The following DNAH7 variants were observed in gnomAD, a reference collection of about 807,000 sequenced individuals.
DNAH7 encodes the protein dynein axonemal heavy chain 7, also known as axonemal beta dynein heavy chain 7.
DNAH7 carries 397 observed loss-of-function variants against 444.6 expected under a neutral mutation model. That is an observed-to-expected ratio of 0.89 (90% CI 0.82 to 0.97). DNAH7 has a LOEUF of 0.97. DNAH7 is among the 50% of genes least tolerant of loss of function. The pLI, the probability that DNAH7 is intolerant of heterozygous loss-of-function variation, is 0.00. For synonymous variants in DNAH7, 1,636 were observed against 1,624.4 expected (o/e 1.01, Z -0.17); for missense variants, 4,902 against 4,800.8 (o/e 1.02, Z -0.62).
chr2:195,812,753 C>T (rs1697029948), intron 51 of DNAH7, among the ~76,000 whole-genome samples: 1 of 152,110 alleles, frequency 6.6e-6, no homozygotes, highest in South Asian at 2.1e-4. Context: ...ATCAGGTTGG[C>T]TAGTGTTAAT....
At chr2:196,016,982 G>A (rs980285096) in intron 9 of DNAH7, among the ~76,000 whole-genome samples, 6 of 152,162 alleles carry the variant, frequency 3.9e-5, no homozygotes, top group African/African-American at 1.4e-4. Flanking sequence ...GGATATGAGC[G>A]AGAGTGCTTT....
rs534151032 is a variant in DNAH7 at position 196,012,417 on chromosome 2, A to T, written c.989+370T>A. ...TTCTTTAAACTCTTCTGCTTTCCCC[A>T]TCCAAAAACAAAATGAAGGGAGGTA... is the stretch of plus-strand genomic sequence containing the variant. On this transcript the variant is annotated intron_variant, in intron 10 of 64. Transcript: ENST00000312428. 3.3e-5 allele frequency among the ~76,000 whole-genome samples: 5 copies of T among 152,176 alleles called. No individual in the cohort carries two copies. In the South Asian group the frequency reaches 1.0e-3, roughly 32 times the overall value.
At chr2:195,900,667 G>A (rs1018721564) in intron 27 of DNAH7, 173 bp from the exon 28 acceptor site, 11 of 578,904 alleles carry the variant, frequency 1.9e-5, no homozygotes, top group Non-Finnish European at 3.3e-5. Flanking sequence ...GTGGGGCAAT[G>A]GGGAGAGGCT....
chr2:195,857,860 A>T (rs1163584019), intron 43 of DNAH7, 137 bp from the exon 44 acceptor site: 1 of 740,004 alleles, frequency 1.4e-6, no homozygotes, highest in Non-Finnish European at 2.0e-6. Context: ...ATAGAACTGC[A>T]CTTACACTTT....
intron 61 of DNAH7, among the ~76,000 whole-genome samples, chr2:195,759,701 A>G (rs868159727): frequency 1.3e-4 from 20 of 152,140 alleles, no homozygotes; most frequent in African/African-American, 3.9e-4. Flanking sequence ...AAATAAAAAA[A>G]TTAGCTGGGT....
intron 9 of DNAH7, among the ~76,000 whole-genome samples, chr2:196,017,055 G>A (rs948830985): frequency 6.6e-6 from 1 of 152,048 alleles, no homozygotes; most frequent in Non-Finnish European, 1.5e-5. Flanking sequence ...CACCCAAGCT[G>A]GAGTGCACTG....
chr2:195,829,138 T>TG (rs1697939269), intron 48 of DNAH7, among the ~76,000 whole-genome samples: 1 of 152,178 alleles, frequency 6.6e-6, no homozygotes, highest in South Asian at 2.1e-4. Context: ...TGTTTTGTTT[T>TG]GCTTTGCTTT....
intron 42 of DNAH7, among the ~76,000 whole-genome samples, chr2:195,860,996 T>C (rs1699985035): frequency 6.6e-6 from 1 of 152,140 alleles, no homozygotes; most frequent in African/African-American, 2.4e-5. Context: ...AAGTATCTAG[T>C]AATGTTTGAT....
chr2:196,032,199 T>C (rs899292904), intron 5 of DNAH7, among the ~76,000 whole-genome samples: 2 of 152,152 alleles, frequency 1.3e-5, no homozygotes, highest in Non-Finnish European at 2.9e-5. Flanking sequence ...TCCTGAGACT[T>C]ACTCATTACC....
chr2:195,793,462 G>A (rs1695986768), intron 57 of DNAH7, among the ~76,000 whole-genome samples: 1 of 152,056 alleles, frequency 6.6e-6, no homozygotes, highest in Non-Finnish European at 1.5e-5. Context: ...TTGCAAAGAG[G>A]CTCTGTCTAG....
intron 19 of DNAH7, among the ~76,000 whole-genome samples, chr2:195,951,433 C>T (rs1403349540): frequency 6.6e-6 from 1 of 152,084 alleles, no homozygotes; most frequent in Admixed American, 6.5e-5. Context: ...TGGGGCAGAG[C>T]ATTCTGCAGA....
intron 48 of DNAH7, among the ~76,000 whole-genome samples, chr2:195,831,688 T>C (rs77325522): frequency 0.032 from 4,838 of 152,310 alleles, 95 homozygotes; most frequent in Middle Eastern, 0.054. Flanking sequence ...TTCCAAAAAG[T>C]AGGTTAAATC....
chr2:196,052,745 G>A (rs375593380), intron 2 of DNAH7, among the ~76,000 whole-genome samples: 1 of 152,188 alleles, frequency 6.6e-6, no homozygotes, highest in South Asian at 2.1e-4. Context: ...AAAAGAAAAA[G>A]GGTGGAGCTA....
At chr2:196,019,346 A>G (rs1269906224) in intron 8 of DNAH7, 51 bp from the exon 9 acceptor site, 1 of 1,379,860 alleles carries the variant, frequency 7.2e-7, no homozygotes, top group African/African-American at 1.5e-5. Flanking sequence ...GTATTTTTAT[A>G]GTAACTGTAC....
chr2:195,778,643 A>T (rs12693776), intron 58 of DNAH7, among the ~76,000 whole-genome samples: 2,433 of 56,044 alleles, frequency 0.043, 290 homozygotes, highest in East Asian at 0.2. Context: ...TAAATAAATA[A>T]ATATATATAT....
At chr2:196,010,994 A>C (rs1404196756) in intron 10 of DNAH7, among the ~76,000 whole-genome samples, 1 of 152,164 alleles carries the variant, frequency 6.6e-6, no homozygotes, top group African/African-American at 2.4e-5. Flanking sequence ...GGTTAAGAGA[A>C]GCTAGGAAGG....
chr2:195,808,785 G>C lies in DNAH7; in HGVS notation c.9980C>G (p.Ser3327Cys). 1.9e-6 allele frequency: 3 copies of C among 1,613,988 alleles called. No individual in the cohort carries two copies. The highest frequency in any genetic ancestry group is 2.5e-6 in the Non-Finnish European group (3 of 1,179,948). Reference protein sequence around the residue: ...ANLCTWLPQKSWDEICRLDDL... With the variant: ...ANLCTWLPQKCWDEICRLDDL... ...ATCTAATCGACATATTTCATCCCAG[G>C]ATTTCTGAGGAAGCCATGTACAAAG... is the stretch of plus-strand genomic sequence containing the variant. Residue 3327 changes from serine to cysteine, a missense_variant, in exon 53 of 65, where the codon TCC becomes TGC. Coordinates refer to ENST00000312428, the MANE Select transcript of DNAH7 (RefSeq NM_018897.3).
intron 63 of DNAH7, among the ~76,000 whole-genome samples, chr2:195,752,581 T>C (rs147891108): frequency 1.3e-5 from 2 of 152,082 alleles, no homozygotes; most frequent in East Asian, 1.9e-4. Flanking sequence ...TCACTTGGAG[T>C]AGGATGCTAT....
chr2:195,794,559 T>C, intron 56 of DNAH7, 21 bp from the exon 57 acceptor site: 4 of 1,608,370 alleles, frequency 2.5e-6, no homozygotes, highest in African/African-American at 1.3e-5. Context: ...ATAAATCAGA[T>C]ACAAAAGAGT....
Sources: allele counts gnomAD v4.1 joint callset (sites outside exome capture counted in the v4.1 genomes callset), GRCh38; gene constraint gnomAD v4.1.1; transcripts MANE v1.5; gene names NCBI Gene and HGNC (gene_info 2026-07-23, HGNC 2026-07-21).